PHLPP1: variants seen among roughly 807,000 people sequenced by gnomAD.
PHLPP1 encodes PH domain and leucine rich repeat protein phosphatase 1.
A neutral mutation model predicts 117.2 loss-of-function variants in PHLPP1; 42 were observed. The observed-to-expected ratio is 0.36, with a 90% CI of 0.28 to 0.46. The LOEUF (loss-of-function observed/expected upper bound fraction) is 0.46, where lower values mean the gene tolerates loss of function less well. PHLPP1 is among the 20% of genes least tolerant of loss of function. The probability of loss-of-function intolerance (pLI) is 1.00; values close to 1 mark genes in which losing one functional copy is unlikely to be tolerated. For missense variants in PHLPP1, 2,084 were observed against 2,241.9 expected (o/e 0.93, Z 1.42); for synonymous variants, 1,042 against 970.7 (o/e 1.07, Z -1.37).
intron 1 of PHLPP1, among the ~76,000 whole-genome samples, chr18:62,819,712 C>G (rs1053004491): frequency 2.0e-5 from 3 of 152,184 alleles, no homozygotes; most frequent in African/African-American, 7.2e-5. Flanking sequence ...ATGGTGCAAT[C>G]TGGGCTCACT....
At chr18:62,861,806 C>T (rs1568141655) in intron 4 of PHLPP1, among the ~76,000 whole-genome samples, 1 of 152,160 alleles carries the variant, frequency 6.6e-6, no homozygotes, top group Non-Finnish European at 1.5e-5. Context: ...TTCCTTGATA[C>T]TATACCAAAA....
At chr18:62,728,504 CTTT>C (rs761250873) in intron 1 of PHLPP1, among the ~76,000 whole-genome samples, 14 of 137,926 alleles carry the variant, frequency 1.0e-4, no homozygotes, top group African/African-American at 8.0e-5. Flanking sequence ...TTATCTTTAT[CTTT>C]TTTTTTTTTT....
intron 14 of PHLPP1, among the ~76,000 whole-genome samples, chr18:62,965,441 A>C (rs901367704): frequency 2.8e-5 from 4 of 143,832 alleles, no homozygotes; most frequent in African/African-American, 1.0e-4. Context: ...CTACAGTTGG[A>C]TAATCAGCCT....
chr18:62,912,565 G>T (rs1408239575), intron 8 of PHLPP1, among the ~76,000 whole-genome samples: 1 of 151,914 alleles, frequency 6.6e-6, no homozygotes, highest in African/African-American at 2.4e-5. Flanking sequence ...TATAGGAAGA[G>T]TATAGGAATG....
chr18:62,756,597 G>C (rs1053111748), intron 1 of PHLPP1, among the ~76,000 whole-genome samples: 1 of 152,160 alleles, frequency 6.6e-6, no homozygotes, highest in Non-Finnish European at 1.5e-5. Flanking sequence ...TCTCAGGCAG[G>C]CTTCGCTCTT....
At chr18:62,816,423 T>C (rs1299246133) in intron 1 of PHLPP1, among the ~76,000 whole-genome samples, 1 of 151,956 alleles carries the variant, frequency 6.6e-6, no homozygotes, top group Non-Finnish European at 1.5e-5. Context: ...AAAATTTAGC[T>C]GGGCATGGTG....
chr18:62,972,417 G>T, intron 14 of PHLPP1, 97 bp from the exon 15 acceptor site: 1 of 1,128,308 alleles, frequency 8.9e-7, no homozygotes. Flanking sequence ...TGAAGAAAGA[G>T]ACAAAACTGA....
intron 1 of PHLPP1, among the ~76,000 whole-genome samples, chr18:62,776,370 C>G (rs1056723608): frequency 9.9e-5 from 15 of 152,102 alleles, no homozygotes; most frequent in African/African-American, 3.6e-4. Flanking sequence ...TTATTGCCGT[C>G]GACTGATTAG....
chr18:62,903,348 T>G (rs1363350401), intron 7 of PHLPP1, among the ~76,000 whole-genome samples, 182 bp downstream of exon 7: 1 of 152,084 alleles, frequency 6.6e-6, no homozygotes, highest in Non-Finnish European at 1.5e-5. Flanking sequence ...AAAGGAAAAT[T>G]TTATTGTCCC....
intron 8 of PHLPP1, among the ~76,000 whole-genome samples, chr18:62,912,360 T>G (rs1433223277): frequency 6.6e-6 from 1 of 150,658 alleles, no homozygotes; most frequent in Non-Finnish European, 1.5e-5. Context: ...AAAAAAAATT[T>G]TTTTTTATTA....
chr18:62,914,799 C>T (rs1037945293), intron 8 of PHLPP1, 114 bp from the exon 9 acceptor site: 10 of 692,868 alleles, frequency 1.4e-5, no homozygotes, highest in Non-Finnish European at 2.5e-5. Flanking sequence ...CGATTTATGC[C>T]CTTGGTACTT....
At chr18:62,881,859 G>A (rs1382882367) in intron 4 of PHLPP1, among the ~76,000 whole-genome samples, 1 of 152,182 alleles carries the variant, frequency 6.6e-6, no homozygotes, top group Non-Finnish European at 1.5e-5. Context: ...GGAGTTTGGG[G>A]GTGTGGACAA....
chr18:62,896,063 G>C, intron 6 of PHLPP1, 52 bp downstream of exon 6: 1 of 1,110,530 alleles, frequency 9.0e-7, no homozygotes, highest in Non-Finnish European at 1.3e-6. Context: ...TTATATTGCA[G>C]GGGTGGGGAG....
At chr18:62,732,554 T>C (rs892542276) in intron 1 of PHLPP1, among the ~76,000 whole-genome samples, 3 of 152,238 alleles carry the variant, frequency 2.0e-5, no homozygotes, top group African/African-American at 7.2e-5. Context: ...GTTGTTTTCA[T>C]GCCTGCTAAC....
At chr18:62,763,105 G>A (rs1366473072) in intron 1 of PHLPP1, among the ~76,000 whole-genome samples, 4 of 152,054 alleles carry the variant, frequency 2.6e-5, no homozygotes, top group Admixed American at 6.5e-5. Flanking sequence ...AATTTTCCCC[G>A]TATGACTCAG....
chr18:62,787,346 T>C (rs1340008541), intron 1 of PHLPP1, among the ~76,000 whole-genome samples: 2 of 152,174 alleles, frequency 1.3e-5, no homozygotes. Context: ...TTTTGTATTT[T>C]TAATAGAGAC....
chr18:62,769,738 C>T (rs35529356), intron 1 of PHLPP1, among the ~76,000 whole-genome samples: 1 of 152,184 alleles, frequency 6.6e-6, no homozygotes, highest in Non-Finnish European at 1.5e-5. Context: ...CCAAATTCTT[C>T]TTCCATGATG....
Position 62,978,753 on chromosome 18 carries a change from A to G in PHLPP1, c.4476A>G (p.Ser1492=), listed in dbSNP as rs747072210. 1 of 1,613,452 alleles carries G rather than the reference A, an allele frequency of 6.2e-7. No individual in the cohort carries two copies. Among genetic ancestry groups the G allele is most frequent in the East Asian group, 2.2e-5 (1 of 44,856 alleles). The change falls in exon 17 of 17, where the codon TCA becomes TCG. Residue 1492 remains serine (S), a synonymous_variant. Coordinates refer to ENST00000262719, the MANE Select transcript of PHLPP1 (RefSeq NM_194449.4). The surrounding 1 kb of genome is among the most constrained non-coding windows in gnomAD (Gnocchi z 7.0). ...CTGAGATGAGCAGCGAGGTGGGGTCAACAGCCTCCGATGAGCCCCCGCCCG... is the reference window on the plus strand; with the variant it reads ...CTGAGATGAGCAGCGAGGTGGGGTCGACAGCCTCCGATGAGCCCCCGCCCG... The part of the protein sequence containing the change: ...STSEMSSEVG[S]TASDEPPPGA...
intron 9 of PHLPP1, among the ~76,000 whole-genome samples, chr18:62,916,747 C>CTTTTTTTTTTTTTTTTT (rs10538704): frequency 1.1e-4 from 8 of 71,076 alleles, no homozygotes; most frequent in Admixed American, 2.3e-4. Context: ...TCCTTCTATT[C>CTTTTTTTTTTTTTTTTT]TTTTTTTTTT....
Sources: allele counts gnomAD v4.1 joint callset (sites outside exome capture counted in the v4.1 genomes callset), GRCh38; gene constraint gnomAD v4.1.1; non-coding constraint Gnocchi (gnomAD v3.1); transcripts MANE v1.5; gene names NCBI Gene and HGNC (gene_info 2026-07-23, HGNC 2026-07-21).